Variants in TOX observed in about 807,000 individuals in gnomAD.
The protein encoded by TOX is thymocyte selection associated high mobility group box.
In TOX, 11 loss-of-function variants were observed where a neutral mutation model predicts 53.7. The ratio of observed to expected loss-of-function variants is 0.20; its 90% CI spans 0.13 to 0.34. The LOEUF (loss-of-function observed/expected upper bound fraction) is 0.34. Ranked by LOEUF, TOX falls within the 10% of genes least tolerant of loss-of-function variation. The pLI, the probability that TOX is intolerant of heterozygous loss-of-function variation, is 1.00. For synonymous variants in TOX, 225 were observed against 245.3 expected (o/e 0.92, Z 0.77); for missense variants, 570 against 664.6 (o/e 0.86, Z 1.56).
chr8:59,082,385 G>A (rs1586008565), intron 1 of TOX, among the ~76,000 whole-genome samples: 1 of 152,210 alleles, frequency 6.6e-6, no homozygotes, highest in Non-Finnish European at 1.5e-5. Flanking sequence ...TAGTTTCCTC[G>A]CATCAAATTG....
At chr8:58,937,426 C>G (rs187066593) in intron 3 of TOX, among the ~76,000 whole-genome samples, 1 of 151,958 alleles carries the variant, frequency 6.6e-6, no homozygotes, top group African/African-American at 2.4e-5. Flanking sequence ...GAGGAAGGGA[C>G]AGTGGGAATG....
In TOX at chr8:59,100,249, T is replaced by A. The variant is rs543483670; in HGVS notation, c.102+18637A>T. Among the ~76,000 whole-genome samples the A allele has an allele frequency of 2.6e-5, 4 of 152,322 alleles. No individual in the cohort carries two copies. In the South Asian group the frequency reaches 8.3e-4, roughly 32 times the overall value. ...AAAGATCACAAGTAAATATCCAACATTCTAAAACACATGGCCTAATTCTGC... is the reference window on the plus strand; with the variant it reads ...AAAGATCACAAGTAAATATCCAACAATCTAAAACACATGGCCTAATTCTGC... On this transcript the variant is annotated intron_variant, in intron 1 of 8. Coordinates refer to ENST00000361421, the MANE Select transcript of TOX (RefSeq NM_014729.3).
chr8:59,115,891 C>T (rs1805091549), intron 1 of TOX, among the ~76,000 whole-genome samples: 1 of 151,982 alleles, frequency 6.6e-6, no homozygotes, highest in Non-Finnish European at 1.5e-5. Context: ...TAGAGCAATA[C>T]TAGATTAAAC....
At chr8:59,019,196 G>T (rs953272982) in intron 1 of TOX, among the ~76,000 whole-genome samples, 1 of 152,208 alleles carries the variant, frequency 6.6e-6, no homozygotes, top group African/African-American at 2.4e-5. Flanking sequence ...TATATAGCAT[G>T]TTTCCTAAAA....
Position 58,827,520 on chromosome 8 carries a change from T to C in TOX, c.925-618A>G, listed in dbSNP as rs1314725116. 5.3e-5 allele frequency among the ~76,000 whole-genome samples: 8 copies of C among 152,186 alleles called. No homozygotes were observed. The South Asian group carries it at 1.7e-3, about 31-fold the overall frequency. ...CCCAAGTGGCTGTGGATTGCATGCATGCCCTGCCCTGCAGTCCACTCTGGT... is the reference window on the plus strand; with the variant it reads ...CCCAAGTGGCTGTGGATTGCATGCACGCCCTGCCCTGCAGTCCACTCTGGT... On this transcript the variant is annotated intron_variant, in intron 5 of 8. Transcript: ENST00000361421.
intron 5 of TOX, among the ~76,000 whole-genome samples, chr8:58,828,002 A>T (rs902018895): frequency 6.6e-6 from 1 of 152,244 alleles, no homozygotes; most frequent in Admixed American, 6.5e-5. Flanking sequence ...AGGCTTGGCT[A>T]ATATTTTGTA....
intron 7 of TOX, among the ~76,000 whole-genome samples, chr8:58,809,190 G>A (rs190338216): frequency 6.6e-6 from 1 of 152,242 alleles, no homozygotes; most frequent in East Asian, 1.9e-4. Flanking sequence ...TAATCTCATG[G>A]TTGTCTCCAA....
intron 1 of TOX, among the ~76,000 whole-genome samples, chr8:59,104,412 C>T (rs146096576): frequency 5.3e-5 from 8 of 152,226 alleles, no homozygotes; most frequent in African/African-American, 1.4e-4. Context: ...CCCCTCCATG[C>T]GTTGCCTCGT....
chr8:58,875,167 C>T (rs1811264018), intron 3 of TOX, among the ~76,000 whole-genome samples: 1 of 152,192 alleles, frequency 6.6e-6, no homozygotes, highest in African/African-American at 2.4e-5. Context: ...TGACATTTGT[C>T]ACTGCTTCTG....
At position 58,959,972 on chromosome 8, in the gene TOX, G is replaced by C; in HGVS notation, c.139C>G (p.Pro47Ala). ...GENMYMSMTE[P>A]SQDYVPASQS... is the part of the protein sequence containing the mutation. The stretch of plus-strand genomic sequence containing the variant: ...CTGGCTGGCACATAGTCCTGGCTCG[G>C]CTCTGTCATGCTCATATACATGTTC... The change falls in exon 2 of 9, where the codon CCG becomes GCG. Residue 47 changes from proline to alanine, a missense_variant. Around this residue, in one of 3 missense-constraint regions of TOX, gnomAD observed 282 missense variants for 315.0 expected, o/e 0.90. Transcript: ENST00000361421. 2 of 1,614,118 alleles carry C rather than the reference G, an allele frequency of 1.2e-6. No homozygotes were observed. The highest frequency in any genetic ancestry group is 1.7e-6 in the Non-Finnish European group (2 of 1,180,018).
chr8:59,082,199 G>A (rs895569012), intron 1 of TOX, among the ~76,000 whole-genome samples: 1 of 152,124 alleles, frequency 6.6e-6, no homozygotes, highest in South Asian at 2.1e-4. Flanking sequence ...ATTTGGAAAA[G>A]GCTTATATTT....
intron 1 of TOX, among the ~76,000 whole-genome samples, chr8:58,968,089 T>C (rs1307754465): frequency 6.6e-6 from 1 of 152,096 alleles, no homozygotes; most frequent in African/African-American, 2.4e-5. Flanking sequence ...ATTACTCCAT[T>C]TGAAAGAAAA....
intron 3 of TOX, among the ~76,000 whole-genome samples, chr8:58,879,968 A>C (rs1369902274): frequency 6.6e-6 from 1 of 152,156 alleles, no homozygotes; most frequent in African/African-American, 2.4e-5. Context: ...ATAAAGGATT[A>C]TTATGTTTTA....
At chr8:58,815,259 G>C in intron 7 of TOX, 79 bp downstream of exon 7, 2 of 1,504,266 alleles carry the variant, frequency 1.3e-6, no homozygotes, top group Non-Finnish European at 1.8e-6. Context: ...TCCTGTCCTG[G>C]ATAAACAGCT....
At chr8:58,912,072 G>A (rs1477239808) in intron 3 of TOX, among the ~76,000 whole-genome samples, 2 of 152,224 alleles carry the variant, frequency 1.3e-5, no homozygotes, top group African/African-American at 2.4e-5. Flanking sequence ...GAGTTTTGGT[G>A]TTTCAGAGAG....
intron 3 of TOX, among the ~76,000 whole-genome samples, chr8:58,922,939 C>G (rs922616126): frequency 6.6e-6 from 1 of 151,878 alleles, no homozygotes; most frequent in Non-Finnish European, 1.5e-5. Flanking sequence ...CTGGGGCAAG[C>G]GTGTTCCCAA....
At chr8:59,049,107 TGAAAAAAAC>T (rs879778788) in intron 1 of TOX, among the ~76,000 whole-genome samples, 11,589 of 151,962 alleles carry the variant, frequency 0.076, 1,356 homozygotes, top group East Asian at 0.5. Flanking sequence ...GTAATGAAAA[TGAAAAAAAC>T]AAACAGCTGG....
chr8:58,962,594 T>C (rs556941271), intron 1 of TOX, among the ~76,000 whole-genome samples: 4 of 152,140 alleles, frequency 2.6e-5, no homozygotes, highest in African/African-American at 4.8e-5. Flanking sequence ...AAGTTAGCTA[T>C]CAATTCTGAA....
At chr8:58,967,236 G>A (rs1288564022) in intron 1 of TOX, among the ~76,000 whole-genome samples, 1 of 152,126 alleles carries the variant, frequency 6.6e-6, no homozygotes, top group African/African-American at 2.4e-5. Context: ...AGATAATGAT[G>A]CCACAGTGGT....
Sources: allele counts gnomAD v4.1 joint callset (sites outside exome capture counted in the v4.1 genomes callset), GRCh38; gene constraint gnomAD v4.1.1; regional missense constraint gnomAD v4.1.1; transcripts MANE v1.5; gene names NCBI Gene and HGNC (gene_info 2026-07-23, HGNC 2026-07-21).